Variants in LRRC38 observed in about 807,000 individuals in gnomAD.
The protein encoded by LRRC38 is leucine-rich repeat-containing protein 38.
In LRRC38, 5 loss-of-function variants were observed where a neutral mutation model predicts 16.4. The ratio of observed to expected loss-of-function variants is 0.31; its 90% CI spans 0.16 to 0.64. The LOEUF (loss-of-function observed/expected upper bound fraction) is 0.64, where lower values mean the gene tolerates loss of function less well. Ranked by LOEUF, LRRC38 falls within the 30% of genes least tolerant of loss-of-function variation. The pLI is 0.80. For missense variants in LRRC38, 341 were observed against 401.8 expected, an observed-to-expected ratio of 0.85 and a Z score of 1.29; for synonymous variants, 191 against 190.2, an observed-to-expected ratio of 1.00 and a Z score of -0.04.
intron 1 of LRRC38, among the ~76,000 whole-genome samples, chr1:13,489,368 A>C (rs1416619842): frequency 6.6e-6 from 1 of 152,190 alleles, no homozygotes. Context: ...GCCCACAGCC[A>C]GCCTTGGTTT....
At chr1:13,480,792 A>G (rs557258736) in intron 1 of LRRC38, among the ~76,000 whole-genome samples, 1 of 152,290 alleles carries the variant, frequency 6.6e-6, no homozygotes, top group Non-Finnish European at 1.5e-5. Flanking sequence ...TGAGTCCATT[A>G]AACCTCTTTC....
At chr1:13,502,923 C>A (rs1158521468) in intron 1 of LRRC38, among the ~76,000 whole-genome samples, 1 of 152,184 alleles carries the variant, frequency 6.6e-6, no homozygotes, top group Non-Finnish European at 1.5e-5. Context: ...TCATTGGGGT[C>A]TTACGAAAAA....
intron 1 of LRRC38, among the ~76,000 whole-genome samples, chr1:13,504,014 C>A (rs1173894300): frequency 6.6e-6 from 1 of 152,198 alleles, no homozygotes; most frequent in Non-Finnish European, 1.5e-5. Context: ...CTGCTGTCTG[C>A]GTGGGTTGTC....
intron 1 of LRRC38, among the ~76,000 whole-genome samples, chr1:13,490,366 C>T (rs1638995077): frequency 1.3e-5 from 2 of 152,210 alleles, no homozygotes; most frequent in South Asian, 4.2e-4. Flanking sequence ...ACCATGTTAG[C>T]CAGGCTGGTC....
chr1:13,512,861 C>T, intron 1 of LRRC38, 102 bp downstream of exon 1: 2 of 1,285,144 alleles, frequency 1.6e-6, no homozygotes, highest in Non-Finnish European at 2.1e-6. Context: ...CAAGCCTCCT[C>T]TTCCAAACTC....
At chr1:13,489,891 C>A (rs1323360678) in intron 1 of LRRC38, among the ~76,000 whole-genome samples, 1 of 152,114 alleles carries the variant, frequency 6.6e-6, no homozygotes, top group Non-Finnish European at 1.5e-5. Context: ...ACATCTGCAG[C>A]TTCGGGTCAA....
At position 13,487,242 on chromosome 1, in the gene LRRC38, C is replaced by T. The variant is rs1352049186; in HGVS notation, c.632-11143G>A. ...ACCCAACCGATGGATTCTAGGACAACGGAATTCAAGAACGAATTGGGCTCC... is the reference window on the plus strand; with the variant it reads ...ACCCAACCGATGGATTCTAGGACAATGGAATTCAAGAACGAATTGGGCTCC... On this transcript the variant is annotated intron_variant, in intron 1 of 1. Transcript: ENST00000376085. The surrounding 1 kb of genome is among the most constrained non-coding windows in gnomAD (Gnocchi z 4.4). 1.3e-5 allele frequency among the ~76,000 whole-genome samples: 2 copies of T among 152,198 alleles called. No individual in the cohort carries two copies. Among genetic ancestry groups the T allele is most frequent in the Admixed American group, 6.5e-5 (1 of 15,280 alleles).
Position 13,512,995 on chromosome 1 carries a change from CAGG to C in LRRC38, c.596_598del (p.Ser199del). On this transcript the variant is annotated inframe_deletion, in exon 1 of 2. Coordinates refer to ENST00000376085, the MANE Select transcript of LRRC38 (RefSeq NM_001010847.2). ...CAGTTTGGATGCGTTCTCCTGGATCCAGGAGAAGAGGTGGGCGAAGTCACAGTC... is the reference window on the plus strand; with the variant it reads ...CAGTTTGGATGCGTTCTCCTGGATCCAGAAGAGGTGGGCGAAGTCACAGTC... 1 of 1,523,118 alleles carries C rather than the reference CAGG, an allele frequency of 6.6e-7. No homozygotes were observed. Among genetic ancestry groups the C allele is most frequent in the Non-Finnish European group, 8.8e-7 (1 of 1,131,306 alleles). 94.4% of individuals were successfully genotyped at this position (1,523,118 alleles called of 1,614,324 possible).
intron 1 of LRRC38, among the ~76,000 whole-genome samples, chr1:13,489,283 C>T (rs1205559929): frequency 6.6e-6 from 1 of 152,238 alleles, no homozygotes; most frequent in Non-Finnish European, 1.5e-5. Flanking sequence ...ACAGCTTCCC[C>T]TGCCCTCCTT....
chr1:13,512,600 C>G (rs1480505128), intron 1 of LRRC38, among the ~76,000 whole-genome samples: 1 of 152,000 alleles, frequency 6.6e-6, no homozygotes, highest in Non-Finnish European at 1.5e-5. Context: ...CGGCCGTTTC[C>G]CATAGAGTAG....
Position 13,513,665 on chromosome 1 carries a change from C to T in LRRC38, c.-72G>A. 14 of 992,736 alleles carry T rather than the reference C, an allele frequency of 1.4e-5. No individual in the cohort carries two copies. Among genetic ancestry groups the T allele is most frequent in the Non-Finnish European group, 1.6e-5 (13 of 828,450 alleles). The allele number at this position is 992,736 out of a possible 1,614,324, so 61.5% of individuals were successfully genotyped here. The stretch of plus-strand genomic sequence containing the variant: ...GAGCGAGCCCTGGCGCGGGACGGCG[C>T]GGTGAGGCACTGGCTGCCGGGCGCG... On this transcript the variant is annotated 5_prime_UTR_variant, in exon 1 of 2. Coordinates refer to ENST00000376085, the MANE Select transcript of LRRC38 (RefSeq NM_001010847.2).
At chr1:13,509,552 C>T (rs1639252097) in intron 1 of LRRC38, among the ~76,000 whole-genome samples, 1 of 152,160 alleles carries the variant, frequency 6.6e-6, no homozygotes. Context: ...GTGACAGCAT[C>T]TCAGGCCCAT....
intron 1 of LRRC38, among the ~76,000 whole-genome samples, chr1:13,507,176 C>G (rs1458723142): frequency 6.6e-6 from 1 of 152,198 alleles, no homozygotes; most frequent in Non-Finnish European, 1.5e-5. Context: ...TTAGGTCAAG[C>G]TTGCAGTTGG....
rs1491108574 is a variant in LRRC38, at chr1:13,488,031, T to TG, written c.632-11933_632-11932insC. The stretch of plus-strand genomic sequence containing the variant: ...TTATACCTTTTCTAGATTGTGTGTG[T>TG]TTGTGTGTGTGTGTGTGTGTGTGTG... On this transcript the variant is annotated intron_variant, in intron 1 of 1. Transcript: ENST00000376085. Among the ~76,000 whole-genome samples, 280 of 123,634 alleles carry TG rather than the reference T, an allele frequency of 2.3e-3. 1 individual carries two copies. The highest frequency in any genetic ancestry group is 4.6e-3 in the South Asian group (18 of 3,950). The allele number at this position is 123,634 out of a possible 152,430, so 81.1% of individuals were successfully genotyped here. A position where few individuals can be genotyped will look rare whatever the true frequency, so the allele number is the denominator to read the frequency against.
At chr1:13,512,926 C>CCTCT in intron 1 of LRRC38, 37 bp downstream of exon 1, 3 of 1,295,016 alleles carry the variant, frequency 2.3e-6, no homozygotes, top group Non-Finnish European at 3.2e-6. Context: ...TCCCTGCCCC[C>CCTCT]CTCCCTCCCT....
chr1:13,509,666 C>T (rs1472141695), intron 1 of LRRC38, among the ~76,000 whole-genome samples: 1 of 152,172 alleles, frequency 6.6e-6, no homozygotes, highest in Non-Finnish European at 1.5e-5. Flanking sequence ...CACGTGCCTC[C>T]CCAGGCCTTG....
intron 1 of LRRC38, among the ~76,000 whole-genome samples, chr1:13,482,615 C>A (rs1342801372): frequency 6.6e-6 from 1 of 151,102 alleles, no homozygotes; most frequent in Non-Finnish European, 1.5e-5. Context: ...CAACGCCCCA[C>A]AAGACAGGTC....
At position 13,475,592 on chromosome 1, in the gene LRRC38, A is replaced by C; in HGVS notation, c.*254T>G. 2.1e-6 allele frequency: 1 copy of C among 487,724 alleles called. No homozygotes were observed. The highest frequency in any genetic ancestry group is 3.7e-6 in the Non-Finnish European group (1 of 271,098). 30.2% of individuals were successfully genotyped at this position (487,724 alleles called of 1,614,324 possible). On this transcript the variant is annotated 3_prime_UTR_variant, in exon 2 of 2. Transcript: ENST00000376085. The surrounding 1 kb of genome is among the most constrained non-coding windows in gnomAD (Gnocchi z 4.3). The stretch of plus-strand genomic sequence containing the variant: ...ACTCGGTCATCTTCTCCCCCAACAC[A>C]CACCTCGATCTGAGAGGCAGGTTAT...
At chr1:13,480,623 A>T (rs1452126630) in intron 1 of LRRC38, among the ~76,000 whole-genome samples, 1 of 151,728 alleles carries the variant, frequency 6.6e-6, no homozygotes, top group Non-Finnish European at 1.5e-5. Context: ...TTTCCCCCAT[A>T]CTGTTCTCCT....
Sources: allele counts gnomAD v4.1 joint callset (sites outside exome capture counted in the v4.1 genomes callset), GRCh38; gene constraint gnomAD v4.1.1; non-coding constraint Gnocchi (gnomAD v3.1); transcripts MANE v1.5; gene names NCBI Gene and HGNC (gene_info 2026-07-23, HGNC 2026-07-21).